Variants in IMMT observed in about 807,000 individuals in gnomAD.
IMMT encodes the protein inner membrane mitochondrial protein, also known as MICOS complex subunit MIC60.
Under a neutral mutation model 92.7 loss-of-function variants are expected in IMMT, and 40 were observed. The ratio of observed to expected loss-of-function variants is 0.43; its 90% confidence interval spans 0.34 to 0.56. The LOEUF (loss-of-function observed/expected upper bound fraction) is 0.56, where lower values mean the gene tolerates loss of function less well. IMMT is among the 20% of genes least tolerant of loss of function. IMMT has a pLI of 0.03. For missense variants in IMMT, 831 were observed against 912.1 expected, an observed-to-expected ratio of 0.91 and a Z score of 1.14; for synonymous variants, 322 against 336.1, an observed-to-expected ratio of 0.96 and a Z score of 0.46.
chr2:86,195,449 G>A lies in IMMT; in HGVS notation c.-67C>T. On this transcript the variant is annotated 5_prime_UTR_variant, in exon 1 of 15. In the 5' UTR this introduces an upstream ATG that the reference lacks. Coordinates refer to ENST00000410111, the MANE Select transcript of IMMT (RefSeq NM_006839.3). ...GCGGCGGCGCGAGTTAAGTGGAGGC[G>A]TGCTTGCGTGTGTGCGTGCCCGCGT... 1 of 1,499,632 alleles carries A rather than the reference G, an allele frequency of 6.7e-7. No homozygotes were observed. Among genetic ancestry groups the A allele is most frequent in the Non-Finnish European group, 9.0e-7 (1 of 1,113,538 alleles). The allele number at this position is 1,499,632 out of a possible 1,614,324, so 92.9% of individuals were successfully genotyped here.
At chr2:86,193,262 C>A (rs1673281722) in intron 1 of IMMT, among the ~76,000 whole-genome samples, 1 of 151,762 alleles carries the variant, frequency 6.6e-6, no homozygotes, top group African/African-American at 2.4e-5. Context: ...AAAAAATTAG[C>A]CAGGGATGGT....
Position 86,157,556 on chromosome 2 carries a change from T to A in IMMT, c.1162+1036A>T, listed in dbSNP as rs1022299750. On this transcript the variant is annotated intron_variant, in intron 10 of 14. Coordinates refer to ENST00000410111, the MANE Select transcript of IMMT (RefSeq NM_006839.3). ...ATCCCAGCATTTTGGGAGGCCAAGG[T>A]GGGCGAATCACTTGAGGTCAGGAGT... Among the ~76,000 whole-genome samples the A allele has an allele frequency of 9.2e-5, 14 of 151,922 alleles. No homozygotes were observed. In the East Asian group the frequency reaches 2.7e-3, roughly 29 times the overall value.
chr2:86,158,868 ATT>A (rs1676059626), intron 9 of IMMT, 147 bp from the exon 10 acceptor site: 1 of 684,016 alleles, frequency 1.5e-6, no homozygotes, highest in African/African-American at 1.8e-5. Flanking sequence ...TATAAGCCTT[ATT>A]TGTTTCCTTC....
intron 11 of IMMT, among the ~76,000 whole-genome samples, chr2:86,153,166 A>G (rs111967575): frequency 2.3e-3 from 345 of 152,292 alleles, no homozygotes; most frequent in Non-Finnish European, 4.1e-3. Flanking sequence ...TAAGCTGAGG[A>G]GGAGTGGGAA....
chr2:86,171,400 A>G (rs1268496580), intron 4 of IMMT, 55 bp from the exon 5 acceptor site: 2 of 1,542,734 alleles, frequency 1.3e-6, no homozygotes, highest in African/African-American at 1.4e-5. Flanking sequence ...ACAGAGAAAC[A>G]CACAGAAATT....
chr2:86,173,800 C>T (rs1457964775), intron 3 of IMMT, 39 bp from the exon 4 acceptor site: 8 of 1,105,046 alleles, frequency 7.2e-6, no homozygotes, highest in African/African-American at 1.5e-5. Context: ...AGATATACTA[C>T]TGTTTTTTAA....
chr2:86,179,608 T>C lies in IMMT; in HGVS notation c.134A>G (p.Lys45Arg). 1 of 1,594,600 alleles carries C rather than the reference T, an allele frequency of 6.3e-7. No homozygotes were observed. The highest frequency in any genetic ancestry group is 8.5e-7 in the Non-Finnish European group (1 of 1,174,450). ...AAACAAAAGGCCAGCTCCAGCAATT[T>C]TGCCAGTAGTCAACCTAAGTGAAAG... ...TSGSSGLTTGKIAGAGLLFVG... is the reference protein window; with the variant it reads ...TSGSSGLTTGRIAGAGLLFVG... Residue 45 changes from lysine (K) to arginine (R), a missense_variant, in exon 3 of 15, where the codon AAA becomes AGA. Lys to Arg is a conservative substitution (Grantham distance 26, BLOSUM62 2). Transcript: ENST00000410111.
intron 6 of IMMT, among the ~76,000 whole-genome samples, chr2:86,167,172 CTTTT>C (rs1163472844): frequency 2.4e-5 from 3 of 126,002 alleles, no homozygotes; most frequent in Non-Finnish European, 5.0e-5. Context: ...TATTACACTT[CTTTT>C]TTTTTTTTTT....
chr2:86,171,113 T>C, intron 5 of IMMT, 95 bp downstream of exon 5: 1 of 1,104,180 alleles, frequency 9.1e-7, no homozygotes, highest in Non-Finnish European at 1.3e-6. Context: ...AAACCTAGTG[T>C]AAATGTATAC....
chr2:86,165,104 T>C (rs1676578717), intron 7 of IMMT, among the ~76,000 whole-genome samples: 1 of 152,270 alleles, frequency 6.6e-6, no homozygotes, highest in African/African-American at 2.4e-5. Context: ...TTGTAAAATC[T>C]TGACTGCAAT....
intron 3 of IMMT, among the ~76,000 whole-genome samples, chr2:86,174,643 G>A (rs745775497): frequency 1.3e-4 from 20 of 152,068 alleles, no homozygotes; most frequent in Non-Finnish European, 2.8e-4. Flanking sequence ...TTCTACTCCT[G>A]AGCAAAAGCT....
intron 14 of IMMT, 93 bp from the exon 15 acceptor site, chr2:86,144,974 C>T: frequency 2.1e-6 from 3 of 1,402,820 alleles, no homozygotes; most frequent in Non-Finnish European, 2.9e-6. Flanking sequence ...GCTACATCTA[C>T]ACATGTGCAA....
chr2:86,192,865 G>C (rs950676353), intron 1 of IMMT, among the ~76,000 whole-genome samples: 3 of 152,088 alleles, frequency 2.0e-5, no homozygotes, highest in African/African-American at 7.2e-5. Flanking sequence ...TGAGGCACAT[G>C]CTGGAGATTA....
At chr2:86,158,238 T>C in intron 10 of IMMT, 1 of 161,798 alleles carries the variant, frequency 6.2e-6, no homozygotes, top group South Asian at 1.8e-4. Context: ...AATAAGGTTT[T>C]TTAATACTTA....
At chr2:86,189,304 G>A (rs534195786) in intron 1 of IMMT, among the ~76,000 whole-genome samples, 21 of 150,820 alleles carry the variant, frequency 1.4e-4, no homozygotes, top group Admixed American at 1.1e-3. Flanking sequence ...GTGTGATCTC[G>A]GCTCACTGCA....
rs781769634 is a variant in IMMT at position 86,144,337 on chromosome 2, C to G, written c.2208G>C (p.Gln736His). The change falls in exon 15 of 15, where the codon CAG (glutamine) becomes CAC (histidine). Residue 736 changes from glutamine to histidine, a missense_variant. By Grantham distance (24) the Gln-to-His change is conservative. Transcript: ENST00000410111. ...KEARMTLETK[Q>H]IVEILTAYAS... Reference sequence around the variant, plus strand: ...CATATGCTGTCAGGATTTCCACTATCTGTTTCGTTTCTAGGGTCATTCGGG... The same window carrying G: ...CATATGCTGTCAGGATTTCCACTATGTGTTTCGTTTCTAGGGTCATTCGGG... 1.9e-6 allele frequency: 3 copies of G among 1,613,882 alleles called. No homozygotes were observed. The highest frequency in any genetic ancestry group is 2.7e-5 in the African/African-American group (2 of 74,908).
At chr2:86,154,543 T>C (rs1226578906) in intron 10 of IMMT, among the ~76,000 whole-genome samples, 2 of 152,128 alleles carry the variant, frequency 1.3e-5, no homozygotes. Flanking sequence ...TACAGTATTT[T>C]ACTAAATCAC....
Position 86,171,299 on chromosome 2 carries a change from C to G in IMMT, c.468G>C (p.Leu156=), listed in dbSNP as rs1677066096. 6.2e-7 allele frequency: 1 copy of G among 1,610,904 alleles called. No homozygotes were observed. The change falls in exon 5 of 15, where the codon CTG becomes CTC. Residue 156 remains leucine (L), a synonymous_variant. Transcript: ENST00000410111. ...GCTGAACTGCAGGGGCTGGGACCGACAGGGTATCACCTGCTGCAGAAATAA... is the reference window on the plus strand; with the variant it reads ...GCTGAACTGCAGGGGCTGGGACCGAGAGGGTATCACCTGCTGCAGAAATAA... The part of the protein sequence containing the change: ...AQIISAAGDT[L]SVPAPAVQPE...
rs192160566 is a variant in IMMT at position 86,173,512 on chromosome 2, G to A, written c.421+138C>T. 299 of 598,880 alleles carry A rather than the reference G, an allele frequency of 5.0e-4. 2 individuals carry two copies. The African/African-American group carries it at 5.1e-3, about 10-fold the overall frequency. The allele number at this position is 598,880 out of a possible 1,614,324, so 37.1% of individuals were successfully genotyped here. On this transcript the variant is annotated intron_variant, in intron 4 of 14. Transcript: ENST00000410111. The stretch of plus-strand genomic sequence containing the variant: ...GGAGAATCGCTTGAACCTGGGAGGT[G>A]GAGGCTGCGGTGAGCCGAGATTGTG...
Sources: gnomAD v4.1 joint callset for allele counts (sites outside exome capture counted in the v4.1 genomes callset) on GRCh38, gnomAD v4.1.1 for gene constraint, MANE v1.5 for transcripts, NCBI Gene and HGNC (gene_info 2026-07-23, HGNC 2026-07-21) for gene names.